Variants in SELENON observed in about 807,000 individuals in gnomAD.
SELENON encodes the protein selenoprotein N, also known as selenoprotein N, 1.
In SELENON, 44 loss-of-function variants were observed where a neutral mutation model predicts 59.5. That is an observed-to-expected ratio of 0.74 (90% CI 0.58 to 0.95). The LOEUF is 0.95. Ranked by LOEUF, SELENON falls within the 40% of genes least tolerant of loss-of-function variation. The pLI is 0.00. For missense variants in SELENON, 674 were observed against 721.4 expected, an observed-to-expected ratio of 0.93 and a Z score of 0.75; for synonymous variants, 320 against 305.6, an observed-to-expected ratio of 1.05 and a Z score of -0.49.
chr1:25,812,216 C>T (rs914598191), intron 9 of SELENON, among the ~76,000 whole-genome samples: 2 of 151,906 alleles, frequency 1.3e-5, no homozygotes, highest in Admixed American at 6.6e-5. Flanking sequence ...GGTGGTAGCA[C>T]GCACCTGTAG....
At position 25,808,781 on chromosome 1, in the gene SELENON, G is replaced by GGC. The variant is rs1337163861; in HGVS notation, c.740_741dup (p.Lys248AlafsTer?). 6.2e-7 allele frequency: 1 copy of GGC among 1,613,618 alleles called. No homozygotes were observed. The highest frequency in any genetic ancestry group is 8.5e-7 in the Non-Finnish European group (1 of 1,179,926). On this transcript the variant is annotated frameshift_variant, in exon 5 of 13. Coordinates refer to ENST00000361547, the MANE Select transcript of SELENON (RefSeq NM_020451.3). LOFTEE classifies it high-confidence loss of function. ...CCGCTTCTATCCACCGCCGCCCAAG[G>GGC]GCAAGGAGGTGAGGACAGCTGGGGT...
chr1:25,811,921 G>A lies in SELENON; in HGVS notation c.1281+42G>A, dbSNP rs201047535. The A allele has an allele frequency of 4.3e-3, 6,638 of 1,539,356 alleles. 14 individuals are homozygous for A. Among genetic ancestry groups the A allele is most frequent in the Non-Finnish European group, 5.3e-3 (5,977 of 1,137,946 alleles). ...GTGAAGGCCAGGGTCAGGCTGCATG[G>A]GCAGAGGCTGGGAGCTGTGGAGCAG... On this transcript the variant is annotated intron_variant, in intron 9 of 12. Coordinates refer to ENST00000361547, the MANE Select transcript of SELENON (RefSeq NM_020451.3).
intron 7 of SELENON, among the ~76,000 whole-genome samples, chr1:25,811,190 C>T (rs1286093898): frequency 1.3e-5 from 2 of 152,232 alleles, no homozygotes; most frequent in Non-Finnish European, 2.9e-5. Context: ...CGGGCCATGG[C>T]TGTGCAGGCC....
Position 25,814,194 on chromosome 1 carries a change from C to G in SELENON, c.1602+16C>G, listed in dbSNP as rs2047991207. The G allele has an allele frequency of 6.2e-7, 1 of 1,607,478 alleles. No individual in the cohort carries two copies. Among genetic ancestry groups the G allele is most frequent in the African/African-American group, 1.3e-5 (1 of 74,920 alleles). On this transcript the variant is annotated intron_variant, in intron 12 of 12. Transcript: ENST00000361547. The stretch of plus-strand genomic sequence containing the variant: ...TGGCACCGTGGTAGGCACCCCCACT[C>G]AGACCCCACAGGGCCCAGGCACCTC...
rs752512724 is a variant in SELENON at position 25,805,200 on chromosome 1, G to A, written c.462G>A (p.Glu154=). 1.9e-6 allele frequency: 3 copies of A among 1,614,154 alleles called. No individual in the cohort carries two copies. Among genetic ancestry groups the A allele is most frequent in the Non-Finnish European group, 2.5e-6 (3 of 1,180,024 alleles). ...AGTTGCCCCCTGACCCTAGCGAGGA[G>A]ACGCTCACCATAGAAGCCCGATTCC... The change falls in exon 4 of 13, where the codon GAG becomes GAA. Residue 154 remains glutamate (E), a synonymous_variant. Coordinates refer to ENST00000361547, the MANE Select transcript of SELENON (RefSeq NM_020451.3).
intron 7 of SELENON, 108 bp from the exon 7 acceptor site, chr1:25,811,346 C>A: frequency 1.0e-6 from 1 of 999,766 alleles, no homozygotes; most frequent in Non-Finnish European, 1.6e-6. Flanking sequence ...TGAGAAACCT[C>A]AGTGTCCTCA....
chr1:25,805,535 G>A (rs977931548), intron 4 of SELENON, among the ~76,000 whole-genome samples: 3 of 152,080 alleles, frequency 2.0e-5, no homozygotes, highest in Non-Finnish European at 4.4e-5. Flanking sequence ...ACTGCAGGAT[G>A]AGGAGGGCTC....
rs1399091746 is a variant in SELENON, at chr1:25,812,712, C to T, written c.1307C>T (p.Ala436Val). The T allele has an allele frequency of 3.1e-6, 5 of 1,612,522 alleles. No homozygotes were observed. Among genetic ancestry groups the T allele is most frequent in the Admixed American group, 3.3e-5 (2 of 59,950 alleles). Reference sequence around the variant, plus strand: ...GTCTCCTACTTGCCGTTCACTGAGGCCTTCGACCGAGCCAAGGCTGAGAAC... The same window carrying T: ...GTCTCCTACTTGCCGTTCACTGAGGTCTTCGACCGAGCCAAGGCTGAGAAC... The change falls in exon 10 of 13, where the codon GCC becomes GTC. Residue 436 changes from alanine to valine, a missense_variant. By Grantham distance (64) the Ala-to-Val change is moderately conservative. Coordinates refer to ENST00000361547, the MANE Select transcript of SELENON (RefSeq NM_020451.3).
rs776598157 is a variant in SELENON, at chr1:25,809,754, G to C, written c.944G>C (p.Gly315Ala). The C allele has an allele frequency of 1.9e-6, 3 of 1,614,056 alleles. No individual in the cohort carries two copies. The South Asian group carries it at 3.3e-5, about 18-fold the overall frequency. ...TGGTTCTCCCCTGCTCAGTTCACCG[G>C]CCACATCATCCTCTCCAAAGACGCC... is the stretch of plus-strand genomic sequence containing the variant. The change falls in exon 7 of 13, where the codon GGC becomes GCC. Residue 315 changes from glycine to alanine, a missense_variant. Physicochemically the swap from Gly to Ala is moderately conservative, Grantham distance 60. Coordinates refer to ENST00000361547, the MANE Select transcript of SELENON (RefSeq NM_020451.3).
intron 5 of SELENON, 94 bp from the exon 5 acceptor site, chr1:25,808,932 C>T: frequency 1.2e-6 from 2 of 1,602,612 alleles, no homozygotes; most frequent in African/African-American, 1.3e-5. Flanking sequence ...CCCCATGGGG[C>T]CCCTGGGCCG....
Position 25,805,209 on chromosome 1 carries a change from C to T in SELENON, c.471C>T (p.Thr157=). Residue 157 remains threonine (T), a synonymous_variant, in exon 4 of 13, where the codon ACC becomes ACT. Transcript: ENST00000361547. Reference sequence around the variant, plus strand: ...CTGACCCTAGCGAGGAGACGCTCACCATAGAAGCCCGATTCCAGCCTCTGC... The same window carrying T: ...CTGACCCTAGCGAGGAGACGCTCACTATAGAAGCCCGATTCCAGCCTCTGC... 1 of 1,614,158 alleles carries T rather than the reference C, an allele frequency of 6.2e-7. No individual in the cohort carries two copies. The highest frequency in any genetic ancestry group is 8.5e-7 in the Non-Finnish European group (1 of 1,180,034).
chr1:25,807,130 T>C lies in SELENON; in HGVS notation c.538-1450T>C, dbSNP rs2047914661. ...TAGGGATTACAGGTGTGAGCCACCA[T>C]GCCCGGCCGGGAGCCCCTTTCTTAA... On this transcript the variant is annotated intron_variant, in intron 4 of 12. Transcript: ENST00000361547. The surrounding 1 kb of genome is among the most constrained non-coding windows in gnomAD (Gnocchi z 4.5). Among the ~76,000 whole-genome samples the C allele has an allele frequency of 6.6e-6, 1 of 151,552 alleles. No individual in the cohort carries two copies. The highest frequency in any genetic ancestry group is 1.5e-5 in the Non-Finnish European group (1 of 67,866).
chr1:25,806,976 C>T (rs182257568), intron 4 of SELENON, among the ~76,000 whole-genome samples: 16 of 152,222 alleles, frequency 1.1e-4, no homozygotes, highest in Admixed American at 5.9e-4. Context: ...TGCCCACCAC[C>T]ACACCCGGCT....
chr1:25,801,657 C>T lies in SELENON; in HGVS notation c.302-359C>T, dbSNP rs1485364654. The stretch of plus-strand genomic sequence containing the variant: ...CCTGGGCGACAGAGTGAGACCCTGT[C>T]TCAAAACAAACAAACAAAGCAAAAC... On this transcript the variant is annotated intron_variant, in intron 2 of 12. Transcript: ENST00000361547. 3.3e-5 allele frequency among the ~76,000 whole-genome samples: 5 copies of T among 150,648 alleles called. No homozygotes were observed. In the Admixed American group the frequency reaches 3.3e-4, roughly 10 times the overall value.
chr1:25,811,502 CAA>C lies in SELENON; in HGVS notation c.1060_1061del (p.Asn354HisfsTer?). The C allele has an allele frequency of 1.9e-6, 3 of 1,614,122 alleles. No individual in the cohort carries two copies. The highest frequency in any genetic ancestry group is 2.5e-6 in the Non-Finnish European group (3 of 1,180,034). ...GGCTTTACGGGGCCAGTGAAAGCAGCAACATGGAGGTGGACATCGGCTACATA... is the reference window on the plus strand; with the variant it reads ...GGCTTTACGGGGCCAGTGAAAGCAGCCATGGAGGTGGACATCGGCTACATA... On this transcript the variant is annotated frameshift_variant, in exon 8 of 13. Transcript: ENST00000361547. LOFTEE classifies it high-confidence loss of function.
At position 25,811,471 on chromosome 1, in the gene SELENON, T is replaced by C. The variant is rs2047958821; in HGVS notation, c.1028T>C (p.Met343Thr). The C allele has an allele frequency of 1.9e-6, 3 of 1,613,994 alleles. No individual in the cohort carries two copies. Among genetic ancestry groups the C allele is most frequent in the East Asian group, 4.5e-5 (2 of 44,880 alleles). ...CATCCCAGGTCTCTGAATGTGGACA[T>C]GGAGTGGCTTTACGGGGCCAGTGAA... is the stretch of plus-strand genomic sequence containing the variant. The change falls in exon 8 of 13, where the codon ATG becomes ACG. Residue 343 changes from methionine to threonine, a missense_variant. Physicochemically the swap from Met to Thr is moderately conservative, Grantham distance 81. Transcript: ENST00000361547.
intron 5 of SELENON, 42 bp downstream of exon 4, chr1:25,808,831 G>A: frequency 6.2e-7 from 1 of 1,608,464 alleles, no homozygotes; most frequent in Non-Finnish European, 8.5e-7. Context: ...CTCCGCCCGA[G>A]CCCAGGAGTG....
At position 25,814,123 on chromosome 1, in the gene SELENON, TGGAGAAGTACAG is replaced by T; in HGVS notation, c.1548_1559del (p.Glu517_Ser520del). The T allele has an allele frequency of 6.2e-7, 1 of 1,614,178 alleles. No individual in the cohort carries two copies. The highest frequency in any genetic ancestry group is 8.5e-7 in the Non-Finnish European group (1 of 1,180,002). On this transcript the variant is annotated inframe_deletion, in exon 12 of 13. Transcript: ENST00000361547. ...CACCAGAAGCTGGCTGGCCTGCACCTGGAGAAGTACAGCTTCCCCGTGGAGATGATGATCTGC... is the reference window on the plus strand; with the variant it reads ...CACCAGAAGCTGGCTGGCCTGCACCTCTTCCCCGTGGAGATGATGATCTGC...
Position 25,800,427 on chromosome 1 carries a change from CT to C in SELENON, c.183+15del. On this transcript the variant is annotated intron_variant, in intron 1 of 12. Transcript: ENST00000361547. ...GCCGCGCGGCAGGTCCGGGCCCGAG[CT>C]GGCTGGGGCGGGAGCGCGGGAGCGG... 9.1e-7 allele frequency: 1 copy of C among 1,095,294 alleles called. No homozygotes were observed. The highest frequency in any genetic ancestry group is 1.1e-6 in the Non-Finnish European group (1 of 899,642). The allele number at this position is 1,095,294 out of a possible 1,614,324, so 67.8% of individuals were successfully genotyped here.
Sources: allele counts gnomAD v4.1 joint callset (sites outside exome capture counted in the v4.1 genomes callset), GRCh38; gene constraint gnomAD v4.1.1; non-coding constraint Gnocchi (gnomAD v3.1); transcripts MANE v1.5; gene names NCBI Gene and HGNC (gene_info 2026-07-23, HGNC 2026-07-21).